The following PRH1 variants were observed in gnomAD, a reference collection of about 807,000 sequenced individuals.
The protein encoded by PRH1 is proline rich protein HaeIII subfamily 1, also known as salivary acidic proline-rich phosphoprotein 1/2.
A neutral mutation model predicts 7.9 loss-of-function variants in PRH1; 7 were observed. The ratio of observed to expected loss-of-function variants is 0.89; its 90% confidence interval spans 0.50 to 1.67. The LOEUF is 1.67. Ranked by LOEUF, PRH1 falls within the 40% of genes most tolerant of loss-of-function variation. The probability of loss-of-function intolerance (pLI) is 0.00; values close to 1 mark genes in which losing one functional copy is unlikely to be tolerated. For missense variants in PRH1, 109 were observed against 223.6 expected, an observed-to-expected ratio of 0.49 and a Z score of 3.27; for synonymous variants, 45 against 80.8, an observed-to-expected ratio of 0.56 and a Z score of 2.38.
At chr12:10,937,885 A>T (rs1018462933) in intron 2 of PRH1, 2 of 165,120 alleles carry the variant, frequency 1.2e-5, no homozygotes, top group African/African-American at 4.8e-5. Flanking sequence ...TCTTTTATGT[A>T]CTTTATCTAC....
rs1362764900 is a variant in PRH1, at chr12:11,158,385, T to A, written n.39+13037A>T. Among the ~76,000 whole-genome samples, 7 of 143,134 alleles carry A rather than the reference T, an allele frequency of 4.9e-5. No homozygotes were observed. The East Asian group carries it at 1.3e-3, about 28-fold the overall frequency. 93.9% of individuals were successfully genotyped at this position (143,134 alleles called of 152,430 possible). On this transcript the variant is annotated intron_variant and non_coding_transcript_variant, in intron 1 of 1. Coordinates refer to the PRH1 transcript ENST00000541175. ...AAACTTACTTAATTATACTTAACAT[T>A]TTATAATTTTTTCCCTACTGTATTT...
At chr12:10,966,016 GAC>G (rs887620568) in intron 2 of PRH1, among the ~76,000 whole-genome samples, 2 of 151,966 alleles carry the variant, frequency 1.3e-5, no homozygotes, top group South Asian at 2.1e-4. Flanking sequence ...CACATAGACA[GAC>G]ACACACACAT....
chr12:11,002,810 A>G (rs569526056), intron 1 of PRH1, among the ~76,000 whole-genome samples: 2 of 152,178 alleles, frequency 1.3e-5, no homozygotes, highest in South Asian at 4.1e-4. Context: ...ATAGTAACAA[A>G]ATATTTTCCC....
intron 1 of PRH1, chr12:10,986,338 A>G (rs1490766966): frequency 5.0e-6 from 8 of 1,613,898 alleles, no homozygotes; most frequent in African/African-American, 1.3e-5. Flanking sequence ...GTCAAATATG[A>G]AAGATGTACT....
At chr12:10,928,688 G>A (rs1950157221) in intron 2 of PRH1, among the ~76,000 whole-genome samples, 2 of 152,216 alleles carry the variant, frequency 1.3e-5, no homozygotes, top group South Asian at 4.1e-4. Context: ...GTACCCAGCA[G>A]TGTGCTGTCC....
intron 1 of PRH1, among the ~76,000 whole-genome samples, chr12:11,026,803 T>C (rs73254851): frequency 0.02 from 3,037 of 152,246 alleles, 99 homozygotes; most frequent in African/African-American, 0.068. Flanking sequence ...TACTTTTTAC[T>C]GGGCTTGTGA....
intron 2 of PRH1, among the ~76,000 whole-genome samples, chr12:10,914,247 A>C (rs1949941700): frequency 6.6e-6 from 1 of 152,220 alleles, no homozygotes; most frequent in East Asian, 1.9e-4. Context: ...CAATTAAAAA[A>C]ATTGACTTTA....
intron 1 of PRH1, chr12:11,022,733 A>G (rs1320363899): frequency 1.7e-6 from 1 of 597,844 alleles, no homozygotes; most frequent in Non-Finnish European, 2.9e-6. Context: ...GCATATGCTA[A>G]TAGATGAATT....
chr12:11,048,614 C>T, upstream of PRH1: 1 of 605,658 alleles, frequency 1.7e-6, no homozygotes, highest in South Asian at 1.7e-5. Context: ...TGTTGAGATC[C>T]TTTGCCATGG....
intron 1 of PRH1, chr12:10,986,820 A>G (rs1356199277): frequency 1.3e-6 from 2 of 1,557,242 alleles, no homozygotes; most frequent in Admixed American, 2.2e-5. Context: ...AAATAAAACC[A>G]TTATTAGAAT....
intron 1 of PRH1, among the ~76,000 whole-genome samples, chr12:11,025,899 C>T (rs1312482224): frequency 6.6e-6 from 1 of 152,292 alleles, no homozygotes; most frequent in Non-Finnish European, 1.5e-5. Context: ...AAATCATTTT[C>T]TATGGGGAAA....
At chr12:11,024,736 C>T (rs1941824244) in intron 1 of PRH1, among the ~76,000 whole-genome samples, 1 of 118,232 alleles carries the variant, frequency 8.5e-6, no homozygotes, top group African/African-American at 2.8e-5. Context: ...ATGAATAATG[C>T]TACAATGAAC....
intron 2 of PRH1, among the ~76,000 whole-genome samples, chr12:10,923,649 T>C (rs1950083360): frequency 6.6e-6 from 1 of 152,214 alleles, no homozygotes; most frequent in Non-Finnish European, 1.5e-5. Context: ...GGGAATAGTG[T>C]GATTCTATCA....
chr12:10,977,200 CA>C (rs1939145211), intron 1 of PRH1, among the ~76,000 whole-genome samples: 1 of 152,132 alleles, frequency 6.6e-6, no homozygotes. Flanking sequence ...AGCAGCACAT[CA>C]AAAAGCTAAT....
At chr12:11,011,721 A>ATTAAT (rs1941076948) in intron 1 of PRH1, among the ~76,000 whole-genome samples, 3 of 152,090 alleles carry the variant, frequency 2.0e-5, no homozygotes, top group Admixed American at 6.6e-5. Context: ...TTTTCTTATT[A>ATTAAT]AAAGACTCCA....
intron 1 of PRH1, chr12:10,986,989 A>G (rs1939675249): frequency 6.1e-6 from 4 of 660,444 alleles, no homozygotes; most frequent in Admixed American, 7.2e-5. Flanking sequence ...TTACTTTTAA[A>G]CACTGTGACC....
intron 1 of PRH1, among the ~76,000 whole-genome samples, chr12:11,071,224 T>C (rs1944052815): frequency 6.6e-6 from 1 of 151,446 alleles, no homozygotes; most frequent in South Asian, 2.1e-4. Flanking sequence ...TTCCAGGCTC[T>C]GCTCCACTCT....
At chr12:11,170,582 G>C (rs1413469838) in intron 1 of PRH1, among the ~76,000 whole-genome samples, 1 of 152,228 alleles carries the variant, frequency 6.6e-6, no homozygotes, top group Non-Finnish European at 1.5e-5. Context: ...TGGAAGTACA[G>C]AGTAGTATTC....
chr12:10,942,554 C>T (rs75022024), intron 2 of PRH1, among the ~76,000 whole-genome samples: 2,313 of 152,296 alleles, frequency 0.015, 21 homozygotes, highest in South Asian at 0.031. Flanking sequence ...GTCTCACTCC[C>T]ACCATGCCTC....
Sources: allele counts gnomAD v4.1 joint callset (sites outside exome capture counted in the v4.1 genomes callset), GRCh38; gene constraint gnomAD v4.1.1; transcripts MANE v1.5; gene names NCBI Gene and HGNC (gene_info 2026-07-23, HGNC 2026-07-21).